SLIT2: variants seen among roughly 807,000 people sequenced by gnomAD.
SLIT2 encodes slit guidance ligand 2, also known as slit homolog 2 protein.
Under a neutral mutation model 185.7 loss-of-function variants are expected in SLIT2, and 41 were observed. That is an observed-to-expected ratio of 0.22 (90% CI 0.17 to 0.29). SLIT2 has a LOEUF of 0.29. Among genes scored for constraint, SLIT2 ranks in the 10% least tolerant of loss-of-function variants. The pLI, the probability that SLIT2 is intolerant of heterozygous loss-of-function variation, is 1.00. For synonymous variants in SLIT2, 693 were observed against 680.2 expected, an observed-to-expected ratio of 1.02 and a Z score of -0.29; for missense variants, 1,571 against 1,909.0, an observed-to-expected ratio of 0.82 and a Z score of 3.30.
chr4:20,415,843 A>T (rs895554723), intron 4 of SLIT2, among the ~76,000 whole-genome samples: 19 of 152,158 alleles, frequency 1.2e-4, no homozygotes. Context: ...TTTTAACATA[A>T]TTTTTGTTAT....
intron 29 of SLIT2, among the ~76,000 whole-genome samples, chr4:20,572,926 G>A (rs557482142): frequency 2.9e-4 from 44 of 152,232 alleles, no homozygotes; most frequent in African/African-American, 9.6e-4. Flanking sequence ...TTTTCTCTTT[G>A]TTTTCCGAAT....
At chr4:20,434,258 C>T (rs768771582) in intron 4 of SLIT2, among the ~76,000 whole-genome samples, 1 of 152,084 alleles carries the variant, frequency 6.6e-6, no homozygotes, top group Non-Finnish European at 1.5e-5. Flanking sequence ...GAGGCCAAGG[C>T]CAGCAGATCA....
intron 6 of SLIT2, among the ~76,000 whole-genome samples, chr4:20,483,419 A>G (rs1021081203): frequency 1.4e-4 from 22 of 152,042 alleles, no homozygotes; most frequent in African/African-American, 5.1e-4. Flanking sequence ...GTAACTGCAT[A>G]TTTTCTTAAT....
At chr4:20,474,894 C>T (rs947050498) in intron 5 of SLIT2, among the ~76,000 whole-genome samples, 1 of 151,790 alleles carries the variant, frequency 6.6e-6, no homozygotes, top group African/African-American at 2.4e-5. Context: ...GACACTATGG[C>T]AAAGCCCTGG....
chr4:20,345,684 C>T (rs1721344835), intron 4 of SLIT2, among the ~76,000 whole-genome samples: 1 of 98,938 alleles, frequency 1.0e-5, no homozygotes, highest in Admixed American at 9.7e-5. Context: ...TACAGGCACA[C>T]ACCACCATGC....
At position 20,617,220 on chromosome 4, in the gene SLIT2, G is replaced by A. The variant is rs377082058; in HGVS notation, c.4136+22G>A. The A allele has an allele frequency of 3.6e-6, 5 of 1,407,652 alleles. No homozygotes were observed. The African/African-American group carries it at 5.8e-5, about 16-fold the overall frequency. 87.2% of individuals were successfully genotyped at this position (1,407,652 alleles called of 1,614,324 possible). ...ATAAGTAAGTTCCTGCTGCTTGGGA[G>A]TTGAGCACACACCTGAAAGCCTCAA... On this transcript the variant is annotated intron_variant, in intron 35 of 36. Coordinates refer to ENST00000504154, the MANE Select transcript of SLIT2 (RefSeq NM_004787.4).
chr4:20,505,026 A>G (rs1719076873), intron 9 of SLIT2, among the ~76,000 whole-genome samples: 1 of 152,126 alleles, frequency 6.6e-6, no homozygotes, highest in South Asian at 2.1e-4. Flanking sequence ...CCCTGTGGGT[A>G]AGGGGAGTCT....
chr4:20,609,045 A>G (rs970482584), intron 33 of SLIT2, among the ~76,000 whole-genome samples: 7 of 151,972 alleles, frequency 4.6e-5, no homozygotes, highest in African/African-American at 1.7e-4. Context: ...TATTGGTCCT[A>G]TTTCTTCTTT....
intron 26 of SLIT2, among the ~76,000 whole-genome samples, chr4:20,559,804 T>C (rs890398296): frequency 2.0e-5 from 3 of 151,986 alleles, no homozygotes; most frequent in Non-Finnish European, 2.9e-5. Context: ...ACTGCTTAAG[T>C]TTATTTTAAA....
intron 4 of SLIT2, among the ~76,000 whole-genome samples, chr4:20,437,606 C>A (rs1270243567): frequency 6.6e-6 from 1 of 151,846 alleles, no homozygotes; most frequent in Non-Finnish European, 1.5e-5. Context: ...CAGAGTGAGA[C>A]CTTATCTTAT....
chr4:20,603,204 A>G (rs1223383666), intron 33 of SLIT2, among the ~76,000 whole-genome samples: 4 of 152,192 alleles, frequency 2.6e-5, no homozygotes, highest in Non-Finnish European at 5.9e-5. Context: ...TTGAGAACTA[A>G]GCGAAAGGGG....
In SLIT2 at chr4:20,447,278, C is replaced by T. The variant is rs535044801; in HGVS notation, c.396-20474C>T. 5.4e-4 allele frequency among the ~76,000 whole-genome samples: 82 copies of T among 152,228 alleles called. 2 individuals carry two copies. Among genetic ancestry groups the T allele is most frequent in the Admixed American group, 3.1e-3 (47 of 15,292 alleles). On this transcript the variant is annotated intron_variant, in intron 4 of 36. Coordinates refer to ENST00000504154, the MANE Select transcript of SLIT2 (RefSeq NM_004787.4). The stretch of plus-strand genomic sequence containing the variant: ...TCAGATGGGAAGGAAGCAGGATCTG[C>T]GAGGACCAGGGCAGACAGTGAGGAA...
At chr4:20,572,745 G>A (rs754594859) in intron 29 of SLIT2, among the ~76,000 whole-genome samples, 2 of 152,058 alleles carry the variant, frequency 1.3e-5, no homozygotes, top group Non-Finnish European at 2.9e-5. Flanking sequence ...ATTCTTACAG[G>A]ACCACATACA....
At chr4:20,290,140 C>T (rs1439120925) in intron 4 of SLIT2, among the ~76,000 whole-genome samples, 2 of 152,120 alleles carry the variant, frequency 1.3e-5, no homozygotes, top group East Asian at 1.9e-4. Context: ...CTTCATATTC[C>T]AGCTTGAACA....
At chr4:20,607,703 G>C (rs1728896440) in intron 33 of SLIT2, among the ~76,000 whole-genome samples, 1 of 152,144 alleles carries the variant, frequency 6.6e-6, no homozygotes, top group Non-Finnish European at 1.5e-5. Flanking sequence ...ATGATGACAT[G>C]ACTGAATTGA....
chr4:20,511,587 A>ATTTTTTTTTTTTT (rs759622666), intron 11 of SLIT2, among the ~76,000 whole-genome samples: 1,470 of 82,062 alleles, frequency 0.018, 195 homozygotes, highest in African/African-American at 0.046. Flanking sequence ...CATCCAGCTA[A>ATTTTTTTTTTTTT]TTTTTTTTTT....
At chr4:20,310,118 T>C (rs770840490) in intron 4 of SLIT2, among the ~76,000 whole-genome samples, 3 of 152,128 alleles carry the variant, frequency 2.0e-5, no homozygotes, top group Non-Finnish European at 4.4e-5. Context: ...TTGCACAAAA[T>C]TTACCACCAT....
At chr4:20,525,642 CTTA>C (rs1401640975) in intron 15 of SLIT2, among the ~76,000 whole-genome samples, 1 of 152,030 alleles carries the variant, frequency 6.6e-6, no homozygotes, top group Non-Finnish European at 1.5e-5. Context: ...TTTATAGATT[CTTA>C]TATTTAAAAA....
intron 4 of SLIT2, among the ~76,000 whole-genome samples, chr4:20,388,889 A>ATG (rs1491329634): frequency 6.9e-6 from 1 of 144,422 alleles, no homozygotes; most frequent in Non-Finnish European, 1.5e-5. Context: ...TATATAAAAC[A>ATG]TAATATATAT....
Sources: allele counts gnomAD v4.1 joint callset (sites outside exome capture counted in the v4.1 genomes callset), GRCh38; gene constraint gnomAD v4.1.1; transcripts MANE v1.5; gene names NCBI Gene and HGNC (gene_info 2026-07-23, HGNC 2026-07-21).